DESI1: variants seen among roughly 807,000 people sequenced by gnomAD.
DESI1 encodes the protein PPPDE peptidase domain containing 2.
In DESI1, 17 loss-of-function variants were observed where a neutral mutation model predicts 22.4. That is an observed-to-expected ratio of 0.76 (90% confidence interval 0.52 to 1.14). DESI1 has a LOEUF of 1.14. Ranked by LOEUF, DESI1 falls within the 50% of genes most tolerant of loss-of-function variation. The pLI, the probability that DESI1 is intolerant of heterozygous loss-of-function variation, is 0.00. For synonymous variants in DESI1, 92 were observed against 84.2 expected (o/e 1.09, Z -0.51); for missense variants, 177 against 208.9 (o/e 0.85, Z 0.94).
intron 1 of DESI1, among the ~76,000 whole-genome samples, chr22:41,616,616 G>T (rs1376434343): frequency 1.3e-5 from 2 of 151,646 alleles, no homozygotes; most frequent in Non-Finnish European, 2.9e-5. Context: ...TTAAAGAGCA[G>T]CCAAAATTAT....
rs777746442 is a variant in DESI1 at position 41,607,266 on chromosome 22, G to A, written c.176C>T (p.Pro59Leu). 5 of 1,609,224 alleles carry A rather than the reference G, an allele frequency of 3.1e-6. No homozygotes were observed. In the South Asian group the frequency reaches 5.5e-5, roughly 18 times the overall value. Residue 59 changes from proline (P) to leucine (L), a missense_variant, in exon 3 of 6, where the codon CCC (proline) becomes CTC (leucine). Transcript: ENST00000263256. ...AGTGTAGGGGAAGACACTCACCGGG[G>A]GGCAGCTGGAGATACCACCACTGCC... is the stretch of plus-strand genomic sequence containing the variant. ...FFGSGGISSC[P>L]PGGTLLGPPD...
intron 1 of DESI1, among the ~76,000 whole-genome samples, chr22:41,616,753 A>G (rs762446650): frequency 6.6e-6 from 1 of 152,234 alleles, no homozygotes; most frequent in African/African-American, 2.4e-5. Context: ...ACCATTTTTC[A>G]TAGTGAATGA....
At chr22:41,602,948 G>T in intron 5 of DESI1, 1 of 572,930 alleles carries the variant, frequency 1.7e-6, no homozygotes, top group Non-Finnish European at 2.6e-6. Context: ...TCTGGGGAGT[G>T]GCATGCTTCG....
chr22:41,613,289 G>A (rs2067529291), intron 1 of DESI1, among the ~76,000 whole-genome samples: 1 of 152,148 alleles, frequency 6.6e-6, no homozygotes, highest in Non-Finnish European at 1.5e-5. Flanking sequence ...TAATAACACT[G>A]CCTGCCTCAT....
intron 1 of DESI1, among the ~76,000 whole-genome samples, chr22:41,608,746 T>C (rs1043867291): frequency 1.3e-5 from 2 of 151,960 alleles, no homozygotes; most frequent in East Asian, 1.9e-4. Context: ...AGCAGATGAA[T>C]TGGAGGGAAG....
intron 1 of DESI1, among the ~76,000 whole-genome samples, chr22:41,613,568 G>C (rs532994950): frequency 1.3e-5 from 2 of 152,328 alleles, no homozygotes; most frequent in East Asian, 1.9e-4. Flanking sequence ...GATGTGACAT[G>C]AACATCTGTT....
intron 1 of DESI1, among the ~76,000 whole-genome samples, chr22:41,610,929 G>C (rs778716938): frequency 2.0e-5 from 3 of 151,974 alleles, no homozygotes; most frequent in Admixed American, 6.6e-5. Context: ...GGGTTTCTGG[G>C]GATAGCACCC....
rs1381705397 is a variant in DESI1 at position 41,601,166 on chromosome 22, G to C, written c.438C>G (p.Pro146=). 1.2e-6 allele frequency: 2 copies of C among 1,611,638 alleles called. No homozygotes were observed. The highest frequency in any genetic ancestry group is 1.7e-6 in the Non-Finnish European group (2 of 1,179,168). ...LSTPFGQALR[P]LLDSIQIQPP... ...GCTGGATCTGAATGGAGTCCAGGAGGGGCCGAAGTGCCTGTCCAAAGGGCC... is the reference window on the plus strand; with the variant it reads ...GCTGGATCTGAATGGAGTCCAGGAGCGGCCGAAGTGCCTGTCCAAAGGGCC... The change falls in exon 6 of 6, where the codon CCC becomes CCG. Residue 146 remains proline (P), a synonymous_variant. Transcript: ENST00000263256.
At chr22:41,620,498 G>A (rs2048408813) in intron 1 of DESI1, among the ~76,000 whole-genome samples, 1 of 152,092 alleles carries the variant, frequency 6.6e-6, no homozygotes, top group Non-Finnish European at 1.5e-5. Flanking sequence ...TTCTGCCCAA[G>A]CCCCCTGCAA....
chr22:41,609,212 G>T (rs1267226632), intron 1 of DESI1, among the ~76,000 whole-genome samples: 1 of 152,174 alleles, frequency 6.6e-6, no homozygotes, highest in Non-Finnish European at 1.5e-5. Flanking sequence ...AAAGTGCTAG[G>T]ATTACAGGCA....
chr22:41,602,170 C>A (rs1020251666), intron 5 of DESI1: 41 of 976,964 alleles, frequency 4.2e-5, no homozygotes, highest in Admixed American at 1.2e-4. Flanking sequence ...GTGGATACTG[C>A]CATTTTTGAA....
At chr22:41,608,215 T>G (rs1263091924) in intron 1 of DESI1, among the ~76,000 whole-genome samples, 1 of 152,252 alleles carries the variant, frequency 6.6e-6, no homozygotes, top group Non-Finnish European at 1.5e-5. Context: ...TATTACTCAT[T>G]TCTTCATTGA....
intron 1 of DESI1, among the ~76,000 whole-genome samples, chr22:41,611,935 A>G (rs1008110773): frequency 6.6e-6 from 1 of 152,172 alleles, no homozygotes. Flanking sequence ...TTTGTGAGGA[A>G]TGCTACGCTT....
At chr22:41,603,900 CT>C in intron 4 of DESI1, 143 bp downstream of exon 4, 1 of 665,794 alleles carries the variant, frequency 1.5e-6, no homozygotes, top group Middle Eastern at 4.3e-4. Flanking sequence ...GCATAACTGC[CT>C]TTTCTTCATG....
chr22:41,607,717 G>T, intron 2 of DESI1, 123 bp downstream of exon 2: 2 of 1,157,292 alleles, frequency 1.7e-6, no homozygotes, highest in Middle Eastern at 2.0e-4. Flanking sequence ...CTGCTTTAGG[G>T]CTTGAAGATT....
chr22:41,620,695 C>T, intron 1 of DESI1, 57 bp downstream of exon 1: 1 of 1,531,444 alleles, frequency 6.5e-7, no homozygotes, highest in South Asian at 1.2e-5. Context: ...CCTCGGCCAG[C>T]CGCCACCCTC....
At position 41,615,269 on chromosome 22, in the gene DESI1, A is replaced by C. The variant is rs575302417; in HGVS notation, c.88+5483T>G. 6.2e-5 allele frequency among the ~76,000 whole-genome samples: 7 copies of C among 113,452 alleles called. No individual in the cohort carries two copies. The East Asian group carries it at 2.1e-3, about 34-fold the overall frequency. 74.4% of individuals were successfully genotyped at this position (113,452 alleles called of 152,430 possible). Reference sequence around the variant, plus strand: ...ACGGTGAAACCCCGTCTCTACTAAAAATTAAAAAAAAAAAAAAAAAAAAAA... The same window carrying C: ...ACGGTGAAACCCCGTCTCTACTAAACATTAAAAAAAAAAAAAAAAAAAAAA... On this transcript the variant is annotated intron_variant, in intron 1 of 5. Coordinates refer to ENST00000263256, the MANE Select transcript of DESI1 (RefSeq NM_015704.3).
chr22:41,604,595 AT>A (rs377108063), intron 3 of DESI1, among the ~76,000 whole-genome samples: 181 of 152,114 alleles, frequency 1.2e-3, no homozygotes, highest in African/African-American at 4.1e-3. Context: ...GAAGAATGTG[AT>A]TTGCTATTTG....
chr22:41,601,014 A>G lies in DESI1; in HGVS notation c.*83T>C. On this transcript the variant is annotated 3_prime_UTR_variant, in exon 6 of 6. Transcript: ENST00000263256. ...CCCTGGTTGTTAGCTCTGATGTAAA[A>G]TTATAAAATAGAAATCTGGTAGGGT... The G allele has an allele frequency of 7.6e-7, 1 of 1,313,552 alleles. No homozygotes were observed. The highest frequency in any genetic ancestry group is 1.1e-6 in the Non-Finnish European group (1 of 937,320). The allele number at this position is 1,313,552 out of a possible 1,614,324, so 81.4% of individuals were successfully genotyped here.
Sources: gnomAD v4.1 joint callset for allele counts (sites outside exome capture counted in the v4.1 genomes callset) on GRCh38, gnomAD v4.1.1 for gene constraint, MANE v1.5 for transcripts, NCBI Gene and HGNC (gene_info 2026-07-23, HGNC 2026-07-21) for gene names.